Variants in AQP11 observed in about 807,000 individuals in gnomAD.
AQP11 encodes the protein aquaporin 11, also known as aquaporin-11.
AQP11 carries 20 observed loss-of-function variants against 21.1 expected under a neutral mutation model. The ratio of observed to expected loss-of-function variants is 0.95; its 90% CI spans 0.67 to 1.38. The LOEUF (loss-of-function observed/expected upper bound fraction) is 1.38. AQP11 is among the 40% of genes most tolerant of loss of function. The probability of loss-of-function intolerance (pLI) is 0.00; values close to 1 mark genes in which losing one functional copy is unlikely to be tolerated. For missense variants in AQP11, 339 were observed against 340.4 expected (o/e 1.00, Z 0.03); for synonymous variants, 167 against 150.1 (o/e 1.11, Z -0.82).
intron 1 of AQP11, among the ~76,000 whole-genome samples, chr11:77,596,793 G>C (rs943654148): frequency 2.0e-5 from 3 of 151,338 alleles, no homozygotes; most frequent in Admixed American, 2.0e-4. Context: ...CCTGAAGTTT[G>C]AGGCTGTATT....
chr11:77,606,343 T>C (rs1958846341), intron 2 of AQP11, among the ~76,000 whole-genome samples: 1 of 152,042 alleles, frequency 6.6e-6, no homozygotes, highest in Non-Finnish European at 1.5e-5. Flanking sequence ...TCACGATAGA[T>C]AAAAAAGGAA....
intron 2 of AQP11, among the ~76,000 whole-genome samples, chr11:77,608,201 G>C (rs1413268003): frequency 1.3e-5 from 2 of 152,188 alleles, no homozygotes; most frequent in East Asian, 3.8e-4. Flanking sequence ...TACTTTTCAG[G>C]ATAGTGACTT....
chr11:77,608,401 T>A, intron 2 of AQP11, among the ~76,000 whole-genome samples: 1 of 152,264 alleles, frequency 6.6e-6, no homozygotes, highest in Non-Finnish European at 1.5e-5. Context: ...GGGGGGTGGA[T>A]CATGAGTTCG....
intron 1 of AQP11, among the ~76,000 whole-genome samples, chr11:77,601,569 C>T (rs1958815886): frequency 6.6e-6 from 1 of 152,084 alleles, no homozygotes; most frequent in Non-Finnish European, 1.5e-5. Flanking sequence ...GAGCTCATTA[C>T]AAACTCCTGG....
intron 1 of AQP11, among the ~76,000 whole-genome samples, chr11:77,592,127 C>T (rs529589617): frequency 6.6e-6 from 1 of 152,038 alleles, no homozygotes; most frequent in Non-Finnish European, 1.5e-5. Flanking sequence ...ATTAGCCGGG[C>T]GTGCTGGTGC....
chr11:77,599,351 T>C (rs934826944), intron 1 of AQP11, among the ~76,000 whole-genome samples: 16 of 152,334 alleles, frequency 1.1e-4, no homozygotes, highest in East Asian at 7.7e-4. Flanking sequence ...ACATGTGCCA[T>C]GTTGGTTTGC....
Position 77,609,282 on chromosome 11 carries a change from G to T in AQP11, c.737-16G>T, listed in dbSNP as rs572005476. 1.9e-6 allele frequency: 3 copies of T among 1,599,572 alleles called. No individual in the cohort carries two copies. Among genetic ancestry groups the T allele is most frequent in the South Asian group, 2.2e-5 (2 of 89,498 alleles). ...TTAAAGATTGTTTTTTTATTTTACT[G>T]TATTTTGTCTTTCAGGTATATTGTT... is the stretch of plus-strand genomic sequence containing the variant. On this transcript the variant is annotated splice_polypyrimidine_tract_variant and intron_variant, in intron 2 of 2. Transcript: ENST00000313578.
intron 2 of AQP11, among the ~76,000 whole-genome samples, chr11:77,608,446 C>G (rs1958858802): frequency 6.6e-6 from 1 of 152,126 alleles, no homozygotes; most frequent in Non-Finnish European, 1.5e-5. Flanking sequence ...AACCCCATCT[C>G]TACTAAAAAT....
Position 77,590,067 on chromosome 11 carries a change from G to A in AQP11, c.75G>A (p.Val25=), listed in dbSNP as rs750707566. Residue 25 remains valine (V), a synonymous_variant, in exon 1 of 3, where the codon GTG becomes GTA. Transcript: ENST00000313578. ...CGCTGGGACTGATGCTGTCGGTGGT[G>A]CTGCTCATGGGGCTGGCCCGCGTAG... ...CTSLGLMLSV[V]LLMGLARVVA... 5 of 1,603,668 alleles carry A rather than the reference G, an allele frequency of 3.1e-6. No homozygotes were observed. The South Asian group carries it at 4.4e-5, about 14-fold the overall frequency.
intron 1 of AQP11, among the ~76,000 whole-genome samples, chr11:77,600,795 G>A (rs865842835): frequency 6.6e-5 from 10 of 152,092 alleles, no homozygotes; most frequent in Admixed American, 2.0e-4. Flanking sequence ...GGCGGATCAC[G>A]AGGTCAGGAG....
At chr11:77,590,974 CT>C in intron 1 of AQP11, 1 of 985,422 alleles carries the variant, frequency 1.0e-6, no homozygotes, top group South Asian at 4.7e-5. Flanking sequence ...TTCGGATACT[CT>C]TACTGAAAAA....
At position 77,596,444 on chromosome 11, in the gene AQP11, T is replaced by TAA. The variant is rs66671315; in HGVS notation, c.619+5844_619+5845dup. ...CAACAGAGCGAGACTATGTCTCAAT[T>TAA]AAAAAAAAAAAATATATATATATAT... On this transcript the variant is annotated intron_variant, in intron 1 of 2. Coordinates refer to ENST00000313578, the MANE Select transcript of AQP11 (RefSeq NM_173039.3). 1.4e-3 allele frequency among the ~76,000 whole-genome samples: 163 copies of TAA among 119,102 alleles called. 1 individual carries two copies. The highest frequency in any genetic ancestry group is 5.5e-3 in the African/African-American group (153 of 27,618). The allele number at this position is 119,102 out of a possible 152,430, so 78.1% of individuals were successfully genotyped here. A position where few individuals can be genotyped will look rare whatever the true frequency, so the allele number is the denominator to read the frequency against.
At chr11:77,600,987 G>C (rs2135748744) in intron 1 of AQP11, among the ~76,000 whole-genome samples, 1 of 151,732 alleles carries the variant, frequency 6.6e-6, no homozygotes, top group African/African-American at 2.4e-5. Flanking sequence ...ACTCCAGCCT[G>C]GGCGACAGAG....
intron 2 of AQP11, among the ~76,000 whole-genome samples, chr11:77,605,172 G>A (rs1227014137): frequency 1.3e-5 from 2 of 152,266 alleles, no homozygotes; most frequent in South Asian, 2.1e-4. Context: ...CAGCTTGGGC[G>A]ACAGAGCGAG....
intron 1 of AQP11, among the ~76,000 whole-genome samples, chr11:77,603,192 A>G (rs542970816): frequency 6.6e-6 from 1 of 152,324 alleles, no homozygotes; most frequent in South Asian, 2.1e-4. Flanking sequence ...TATCTATTTA[A>G]CTGTATTTTC....
chr11:77,606,336 C>A (rs1044284967), intron 2 of AQP11, among the ~76,000 whole-genome samples: 1 of 151,922 alleles, frequency 6.6e-6, no homozygotes, highest in Non-Finnish European at 1.5e-5. Context: ...AAAAGCCTCA[C>A]GATAGATAAA....
At chr11:77,606,104 C>G (rs912049195) in intron 2 of AQP11, among the ~76,000 whole-genome samples, 3 of 148,694 alleles carry the variant, frequency 2.0e-5, no homozygotes, top group Admixed American at 2.0e-4. Context: ...ACTTGGGAGG[C>G]TGAGATAGAA....
Position 77,609,375 on chromosome 11 carries a change from T to A in AQP11, c.814T>A (p.Ter272LysextTer39). The A allele has an allele frequency of 6.2e-7, 1 of 1,610,772 alleles. No homozygotes were observed. Among genetic ancestry groups the A allele is most frequent in the South Asian group, 1.1e-5 (1 of 90,608 alleles). Residue 272 changes from the stop codon to lysine, a stop_lost, in exon 3 of 3, where the codon TAA (stop) becomes AAA (lysine). Transcript: ENST00000313578. ...HNNHTINKKE[*>K] ...CAACCATACAATTAATAAAAAGGAA[T>A]AACTGTTCCAAAGACTCAGACTAAC... is the stretch of plus-strand genomic sequence containing the variant.
At chr11:77,595,079 C>T (rs925293950) in intron 1 of AQP11, among the ~76,000 whole-genome samples, 2 of 152,174 alleles carry the variant, frequency 1.3e-5, no homozygotes, top group African/African-American at 4.8e-5. Context: ...TGGTGGCTCA[C>T]GCCTGTAATC....
Sources: allele counts gnomAD v4.1 joint callset (sites outside exome capture counted in the v4.1 genomes callset), GRCh38; gene constraint gnomAD v4.1.1; transcripts MANE v1.5; gene names NCBI Gene and HGNC (gene_info 2026-07-23, HGNC 2026-07-21).